The following HS3ST2 variants were observed in gnomAD, a reference collection of about 807,000 sequenced individuals.
The protein encoded by HS3ST2 is heparan sulfate-glucosamine 3-sulfotransferase 2.
Under a neutral mutation model 26.3 loss-of-function variants are expected in HS3ST2, and 17 were observed. The observed-to-expected ratio is 0.65, with a 90% confidence interval of 0.44 to 0.97. The LOEUF is 0.97. Among genes scored for constraint, HS3ST2 ranks in the 50% least tolerant of loss-of-function variants. HS3ST2 has a pLI of 0.00. For missense variants in HS3ST2, 402 were observed against 501.2 expected, an observed-to-expected ratio of 0.80 and a Z score of 1.89; for synonymous variants, 237 against 219.2, an observed-to-expected ratio of 1.08 and a Z score of -0.72.
chr16:22,904,219 C>A (rs1902318801), intron 1 of HS3ST2, among the ~76,000 whole-genome samples: 1 of 152,184 alleles, frequency 6.6e-6, no homozygotes, highest in Admixed American at 6.5e-5. Context: ...GACCCTGCCA[C>A]CTCCTGTCCC....
At chr16:22,890,107 C>G (rs1902109989) in intron 1 of HS3ST2, among the ~76,000 whole-genome samples, 1 of 152,170 alleles carries the variant, frequency 6.6e-6, no homozygotes, top group Non-Finnish European at 1.5e-5. Flanking sequence ...CTTCGGATAT[C>G]TCTCCTTTGA....
At chr16:22,868,903 T>A (rs866071519) in intron 1 of HS3ST2, among the ~76,000 whole-genome samples, 5 of 152,090 alleles carry the variant, frequency 3.3e-5, no homozygotes, top group Middle Eastern at 3.4e-3. Flanking sequence ...TTAACTAGTA[T>A]GAAGATGGCC....
At chr16:22,891,726 C>T (rs1400924896) in intron 1 of HS3ST2, among the ~76,000 whole-genome samples, 1 of 152,090 alleles carries the variant, frequency 6.6e-6, no homozygotes, top group African/African-American at 2.4e-5. Context: ...TCCTTCCAGC[C>T]CTTAGCCCTT....
chr16:22,844,542 C>A (rs1350327035), intron 1 of HS3ST2, among the ~76,000 whole-genome samples: 1 of 152,102 alleles, frequency 6.6e-6, no homozygotes, highest in Non-Finnish European at 1.5e-5. Flanking sequence ...CCACCGAAAC[C>A]TCATGTTGAA....
intron 1 of HS3ST2, among the ~76,000 whole-genome samples, chr16:22,866,313 A>G (rs1343850096): frequency 6.7e-6 from 1 of 148,996 alleles, no homozygotes; most frequent in Non-Finnish European, 1.5e-5. Flanking sequence ...TCGCGCAAGC[A>G]CGTGCGCGCG....
At chr16:22,891,059 G>A (rs144183145) in intron 1 of HS3ST2, among the ~76,000 whole-genome samples, 1 of 152,334 alleles carries the variant, frequency 6.6e-6, no homozygotes, top group Non-Finnish European at 1.5e-5. Context: ...GAGCAGATGT[G>A]CTATGGTGAA....
chr16:22,870,942 G>A (rs1448993196), intron 1 of HS3ST2, among the ~76,000 whole-genome samples: 1 of 152,174 alleles, frequency 6.6e-6, no homozygotes, highest in Non-Finnish European at 1.5e-5. Context: ...CTTTATGATG[G>A]TGGAAAAGCA....
chr16:22,914,734 CTCAAAAAAA>C (rs1902467910), intron 1 of HS3ST2, among the ~76,000 whole-genome samples: 1 of 35,736 alleles, frequency 2.8e-5, no homozygotes, highest in Admixed American at 3.9e-4. Flanking sequence ...GAGACCTTGT[CTCAAAAAAA>C]AAAAAAAAAA....
chr16:22,913,085 A>G (rs1020980655), intron 1 of HS3ST2, among the ~76,000 whole-genome samples: 3 of 147,364 alleles, frequency 2.0e-5, no homozygotes, highest in South Asian at 4.5e-4. Flanking sequence ...GAGCCCAGAC[A>G]TGTTTATTTA....
chr16:22,830,223 A>T (rs1362660947), intron 1 of HS3ST2, among the ~76,000 whole-genome samples: 3 of 152,112 alleles, frequency 2.0e-5, no homozygotes, highest in African/African-American at 7.2e-5. Context: ...TCAGAACACC[A>T]AGAGAAGAGC....
intron 1 of HS3ST2, among the ~76,000 whole-genome samples, chr16:22,869,528 C>T (rs969290901): frequency 2.0e-5 from 3 of 152,118 alleles, no homozygotes; most frequent in Non-Finnish European, 2.9e-5. Flanking sequence ...TTCCACATGG[C>T]TGGGGAGGCC....
Position 22,814,565 on chromosome 16 carries a change from G to T in HS3ST2, c.-46G>T, listed in dbSNP as rs1416334240. The T allele has an allele frequency of 1.4e-6, 2 of 1,467,616 alleles. No homozygotes were observed. Among genetic ancestry groups the T allele is most frequent in the Admixed American group, 5.1e-5 (2 of 38,910 alleles). The allele number at this position is 1,467,616 out of a possible 1,614,324, so 90.9% of individuals were successfully genotyped here. A position where few individuals can be genotyped will look rare whatever the true frequency, so the allele number is the denominator to read the frequency against. On this transcript the variant is annotated 5_prime_UTR_variant, in exon 1 of 2. Coordinates refer to ENST00000261374, the MANE Select transcript of HS3ST2 (RefSeq NM_006043.2). ...GCAGGGCCACAGCAGCTCAGCCGCCGGTGCCCCCTCGGAAACCATGACCCC... is the reference window on the plus strand; with the variant it reads ...GCAGGGCCACAGCAGCTCAGCCGCCTGTGCCCCCTCGGAAACCATGACCCC...
At chr16:22,852,108 A>G (rs1288124185) in intron 1 of HS3ST2, among the ~76,000 whole-genome samples, 1 of 152,156 alleles carries the variant, frequency 6.6e-6, no homozygotes, top group Non-Finnish European at 1.5e-5. Context: ...GACATTTTTG[A>G]TTATCACAAC....
chr16:22,893,040 C>G (rs182770904), intron 1 of HS3ST2, among the ~76,000 whole-genome samples: 7 of 152,304 alleles, frequency 4.6e-5, no homozygotes, highest in Non-Finnish European at 1.0e-4. Flanking sequence ...CATTATAGAA[C>G]AATATTAAAT....
chr16:22,845,534 G>A (rs541489253), intron 1 of HS3ST2, among the ~76,000 whole-genome samples: 1 of 151,660 alleles, frequency 6.6e-6, no homozygotes, highest in South Asian at 2.1e-4. Context: ...TGTATTTTTA[G>A]TAGAGATGAG....
At chr16:22,899,478 G>C (rs771178076) in intron 1 of HS3ST2, among the ~76,000 whole-genome samples, 1 of 152,136 alleles carries the variant, frequency 6.6e-6, no homozygotes, top group Non-Finnish European at 1.5e-5. Flanking sequence ...TGCAGAGAAA[G>C]GGAACGGTCT....
intron 1 of HS3ST2, among the ~76,000 whole-genome samples, chr16:22,893,510 A>C (rs1289674768): frequency 6.6e-6 from 1 of 152,070 alleles, no homozygotes; most frequent in African/African-American, 2.4e-5. Context: ...GTGCTTTTTC[A>C]GAATGTGTAG....
chr16:22,854,349 CT>C (rs1377837767), intron 1 of HS3ST2, among the ~76,000 whole-genome samples: 1 of 152,032 alleles, frequency 6.6e-6, no homozygotes, highest in Non-Finnish European at 1.5e-5. Flanking sequence ...GTTTTAGTCT[CT>C]TTTTTATGAA....
At chr16:22,816,468 T>C (rs1303195165) in intron 1 of HS3ST2, among the ~76,000 whole-genome samples, 1 of 152,240 alleles carries the variant, frequency 6.6e-6, no homozygotes, top group Non-Finnish European at 1.5e-5. Context: ...TGGCTCGCAA[T>C]GGTTGTAGTT....
Sources: gnomAD v4.1 joint callset for allele counts (sites outside exome capture counted in the v4.1 genomes callset) on GRCh38, gnomAD v4.1.1 for gene constraint, MANE v1.5 for transcripts, NCBI Gene and HGNC (gene_info 2026-07-23, HGNC 2026-07-21) for gene names.